The following MDN1 variants were observed in gnomAD, a reference collection of about 807,000 sequenced individuals.
MDN1 encodes midasin AAA ATPase 1, also known as midasin.
Under a neutral mutation model 669.2 loss-of-function variants are expected in MDN1, and 266 were observed. That is an observed-to-expected ratio of 0.40 (90% CI 0.36 to 0.44). The LOEUF (loss-of-function observed/expected upper bound fraction) is 0.44, where lower values mean the gene tolerates loss of function less well. MDN1 is among the 20% of genes least tolerant of loss of function. The probability of loss-of-function intolerance (pLI) is 1.00; values close to 1 mark genes in which losing one functional copy is unlikely to be tolerated. For synonymous variants in MDN1, 2,385 were observed against 2,457.1 expected (o/e 0.97, Z 0.87); for missense variants, 5,940 against 6,754.0 (o/e 0.88, Z 4.22).
At chr6:89,776,972 G>A (rs997620326) in intron 11 of MDN1, among the ~76,000 whole-genome samples, 1 of 152,042 alleles carries the variant, frequency 6.6e-6, no homozygotes, top group East Asian at 1.9e-4. Flanking sequence ...TCCTAGCTTC[G>A]GGCAAAGAAG....
intron 90 of MDN1, 140 bp downstream of exon 90, chr6:89,658,069 G>T (rs1421540209): frequency 2.1e-6 from 2 of 947,700 alleles, no homozygotes; most frequent in Non-Finnish European, 3.1e-6. Flanking sequence ...ATGAGATGTG[G>T]TCTGTTAGAT....
chr6:89,652,346 G>A, intron 94 of MDN1, 65 bp from the exon 95 acceptor site: 1 of 1,233,226 alleles, frequency 8.1e-7, no homozygotes, highest in South Asian at 1.2e-5. Flanking sequence ...GTATCACTGG[G>A]TGTCTTCCGC....
intron 78 of MDN1, among the ~76,000 whole-genome samples, chr6:89,675,010 C>T (rs754745750): frequency 6.6e-6 from 1 of 152,192 alleles, no homozygotes; most frequent in Admixed American, 6.5e-5. Context: ...CATTGAGGAG[C>T]CTCCATGTAT....
At position 89,819,669 on chromosome 6, in the gene MDN1, A is replaced by C; in HGVS notation, c.-62T>G. 7.0e-7 allele frequency: 1 copy of C among 1,422,600 alleles called. No individual in the cohort carries two copies. The allele number at this position is 1,422,600 out of a possible 1,614,324, so 88.1% of individuals were successfully genotyped here. ...CCCTACTTCGCGGCCAGCGTCCCCAAGCCGCCGAGGTCCCAGTGCCCGAGC... is the reference window on the plus strand; with the variant it reads ...CCCTACTTCGCGGCCAGCGTCCCCACGCCGCCGAGGTCCCAGTGCCCGAGC... On this transcript the variant is annotated 5_prime_UTR_variant, in exon 1 of 102. Coordinates refer to ENST00000369393, the MANE Select transcript of MDN1 (RefSeq NM_014611.3).
At chr6:89,762,945 A>T (rs1029158129) in intron 15 of MDN1, among the ~76,000 whole-genome samples, 1 of 152,060 alleles carries the variant, frequency 6.6e-6, no homozygotes, top group Admixed American at 6.6e-5. Context: ...AGTCCCAGCT[A>T]CTTGGGAGGC....
intron 58 of MDN1, 71 bp downstream of exon 58, chr6:89,699,530 A>C: frequency 2.7e-6 from 4 of 1,504,772 alleles, no homozygotes; most frequent in Non-Finnish European, 3.6e-6. Flanking sequence ...AATGTTTCCC[A>C]ACCAGTCTGT....
intron 50 of MDN1, among the ~76,000 whole-genome samples, chr6:89,709,015 G>T (rs1375641050): frequency 6.7e-6 from 1 of 148,264 alleles, no homozygotes; most frequent in Non-Finnish European, 1.5e-5. Context: ...GGCAGAAAAT[G>T]AATAAATACA....
At chr6:89,745,761 G>A in intron 27 of MDN1, 135 bp from the exon 28 acceptor site, 1 of 838,268 alleles carries the variant, frequency 1.2e-6, no homozygotes. Context: ...AACTAGGACA[G>A]CCTATTACAA....
intron 15 of MDN1, among the ~76,000 whole-genome samples, chr6:89,764,068 T>A (rs1817685721): frequency 6.6e-6 from 1 of 151,986 alleles, no homozygotes; most frequent in East Asian, 1.9e-4. Context: ...ATTAAAAAAT[T>A]AGCTAGGTGT....
At position 89,783,991 on chromosome 6, in the gene MDN1, A is replaced by G. The variant is rs1818817357; in HGVS notation, c.1449+1021T>C. 6.6e-5 allele frequency among the ~76,000 whole-genome samples: 10 copies of G among 152,042 alleles called. No homozygotes were observed. In the South Asian group the frequency reaches 2.1e-3, roughly 32 times the overall value. On this transcript the variant is annotated intron_variant, in intron 9 of 101. Coordinates refer to ENST00000369393, the MANE Select transcript of MDN1 (RefSeq NM_014611.3). ...AAAAAGACTCCATCTCAAAAAAAAAAAAAAGAAAAGAAAATGTAGGAAAAA... is the reference window on the plus strand; with the variant it reads ...AAAAAGACTCCATCTCAAAAAAAAAGAAAAGAAAAGAAAATGTAGGAAAAA...
Position 89,700,766 on chromosome 6 carries a change from C to G in MDN1, c.8518G>C (p.Gly2840Arg). 1 of 1,614,154 alleles carries G rather than the reference C, an allele frequency of 6.2e-7. No homozygotes were observed. Among genetic ancestry groups the G allele is most frequent in the Admixed American group, 1.7e-5 (1 of 60,018 alleles). ...REQMSALGESGWQEDINRLQV... is the reference protein window; with the variant it reads ...REQMSALGESRWQEDINRLQV... ...AGACGGTTAATGTCTTCCTGCCATC[C>G]ACTCTCCCCAAGGGCAGACATCTGC... The change falls in exon 56 of 102, where the codon GGA becomes CGA. Residue 2840 changes from glycine to arginine, a missense_variant. Coordinates refer to ENST00000369393, the MANE Select transcript of MDN1 (RefSeq NM_014611.3).
At chr6:89,816,666 C>A (rs892695417) in intron 1 of MDN1, among the ~76,000 whole-genome samples, 1 of 151,636 alleles carries the variant, frequency 6.6e-6, no homozygotes, top group Admixed American at 6.6e-5. Context: ...GGTCTCCACA[C>A]CCCTATCTTT....
At chr6:89,715,812 C>T (rs765124680) in intron 44 of MDN1, 43 bp from the exon 45 acceptor site, 3 of 1,290,552 alleles carry the variant, frequency 2.3e-6, no homozygotes, top group South Asian at 1.2e-5. Flanking sequence ...TGACATGCTG[C>T]ATTGACTCTT....
intron 2 of MDN1, among the ~76,000 whole-genome samples, chr6:89,798,625 G>A (rs1442258238): frequency 1.3e-5 from 2 of 152,110 alleles, no homozygotes; most frequent in African/African-American, 4.8e-5. Context: ...TTTAGCGCAA[G>A]CTAAAAATAA....
chr6:89,714,048 G>GA (rs56175181), intron 46 of MDN1, among the ~76,000 whole-genome samples: 1,323 of 115,268 alleles, frequency 0.011, 7 homozygotes, highest in African/African-American at 0.022. Context: ...CAAAAAAAAA[G>GA]AAAAAAAAAA....
At chr6:89,685,576 A>G (rs772613501) in intron 70 of MDN1, among the ~76,000 whole-genome samples, 1 of 152,184 alleles carries the variant, frequency 6.6e-6, no homozygotes, top group Non-Finnish European at 1.5e-5. Context: ...CTGCCTCAAC[A>G]TGGTAGGTCC....
At chr6:89,753,661 C>T (rs1408987512) in intron 21 of MDN1, 39 bp from the exon 22 acceptor site, 1 of 1,462,118 alleles carries the variant, frequency 6.8e-7, no homozygotes, top group East Asian at 2.3e-5. Flanking sequence ...GCTAAATAAC[C>T]TTCTGCAATA....
chr6:89,756,782 G>A (rs778751615), intron 19 of MDN1, among the ~76,000 whole-genome samples: 3 of 152,094 alleles, frequency 2.0e-5, no homozygotes, highest in Admixed American at 6.5e-5. Context: ...TTAGCCAGGT[G>A]TGTTGGCGGG....
At chr6:89,713,413 C>T (rs1319836313) in intron 46 of MDN1, 117 bp from the exon 47 acceptor site, 12 of 906,286 alleles carry the variant, frequency 1.3e-5, no homozygotes, top group Non-Finnish European at 1.8e-5. Context: ...CAAATACTTA[C>T]TTTACAAAAC....
Sources: allele counts gnomAD v4.1 joint callset (sites outside exome capture counted in the v4.1 genomes callset), GRCh38; gene constraint gnomAD v4.1.1; transcripts MANE v1.5; gene names NCBI Gene and HGNC (gene_info 2026-07-23, HGNC 2026-07-21).